The following DNAJC25 variants were observed in gnomAD, a reference collection of about 807,000 sequenced individuals.
DNAJC25 encodes the protein DnaJ heat shock protein family (Hsp40) member C25.
A neutral mutation model predicts 42.1 loss-of-function variants in DNAJC25; 26 were observed. The observed-to-expected ratio is 0.62, with a 90% CI of 0.45 to 0.86. The LOEUF is 0.86. DNAJC25 is among the 40% of genes least tolerant of loss of function. DNAJC25 has a pLI of 0.00. For synonymous variants in DNAJC25, 189 were observed against 179.9 expected, an observed-to-expected ratio of 1.05 and a Z score of -0.40; for missense variants, 404 against 459.4, an observed-to-expected ratio of 0.88 and a Z score of 1.10.
At chr9:111,649,383 C>CT in intron 2 of DNAJC25, 70 bp from the exon 3 acceptor site, 2 of 1,460,518 alleles carry the variant, frequency 1.4e-6, no homozygotes, top group African/African-American at 1.4e-5. Flanking sequence ...CACCGAGACT[C>CT]TATCATTCCT....
chr9:111,633,046 C>T (rs756275412), intron 1 of DNAJC25, among the ~76,000 whole-genome samples: 6 of 152,036 alleles, frequency 3.9e-5, no homozygotes, highest in Non-Finnish European at 8.8e-5. Context: ...TGCTGAGGCC[C>T]CAAAGGGCTT....
rs561865133 is a variant in DNAJC25, at chr9:111,633,386, G to A, written c.336+1643G>A. Reference sequence around the variant, plus strand: ...GATATAGATAATTAGGTTAAAGATAGTGATATTTGGATTGTATATCAGTTA... The same window carrying A: ...GATATAGATAATTAGGTTAAAGATAATGATATTTGGATTGTATATCAGTTA... On this transcript the variant is annotated intron_variant, in intron 1 of 3. Coordinates refer to ENST00000313525, the MANE Select transcript of DNAJC25 (RefSeq NM_001015882.3). 2.0e-5 allele frequency among the ~76,000 whole-genome samples: 3 copies of A among 152,306 alleles called. No homozygotes were observed. The East Asian group carries it at 5.8e-4, about 29-fold the overall frequency.
chr9:111,647,991 A>G (rs1366063133), intron 2 of DNAJC25, among the ~76,000 whole-genome samples: 2 of 151,946 alleles, frequency 1.3e-5, no homozygotes, highest in East Asian at 2.0e-4. Context: ...GTTGGCCAGG[A>G]TGGTCTCAAA....
chr9:111,632,298 T>G (rs1830295826), intron 1 of DNAJC25, among the ~76,000 whole-genome samples: 1 of 149,978 alleles, frequency 6.7e-6, no homozygotes, highest in African/African-American at 2.4e-5. Context: ...AGTGACTTAT[T>G]ATGTTGAAAT....
chr9:111,642,787 G>C (rs1830502553), intron 1 of DNAJC25: 1 of 466,784 alleles, frequency 2.1e-6, no homozygotes, highest in South Asian at 1.6e-5. Flanking sequence ...GAGAAGGAAG[G>C]ATTCAGTACT....
At chr9:111,651,368 A>C (rs76958426) in intron 3 of DNAJC25, among the ~76,000 whole-genome samples, 2 of 152,044 alleles carry the variant, frequency 1.3e-5, no homozygotes, top group Admixed American at 1.3e-4. Context: ...CTTTTTTAAA[A>C]GTTTAAAAGT....
In DNAJC25 at chr9:111,631,510, C is replaced by G. The variant is rs1448796758; in HGVS notation, c.103C>G (p.Pro35Ala). ...PLLPALLLVR[P>A]AGALVEGLYC... ...GCTGCCGGCGCTGCTGCTGGTGCGG[C>G]CCGCGGGGGCCCTGGTGGAGGGGCT... The change falls in exon 1 of 4, where the codon CCC becomes GCC. Residue 35 changes from proline to alanine, a missense_variant. Transcript: ENST00000313525. The G allele has an allele frequency of 7.5e-7, 1 of 1,332,110 alleles. No individual in the cohort carries two copies. The highest frequency in any genetic ancestry group is 4.1e-5 in the Admixed American group (1 of 24,202). The allele number at this position is 1,332,110 out of a possible 1,614,324, so 82.5% of individuals were successfully genotyped here. A position where few individuals can be genotyped will look rare whatever the true frequency, so the allele number is the denominator to read the frequency against.
chr9:111,631,478 C>T lies in DNAJC25; in HGVS notation c.71C>T (p.Ala24Val), dbSNP rs748650710. The change falls in exon 1 of 4, where the codon GCG becomes GTG. Residue 24 changes from alanine (A) to valine (V), a missense_variant. By Grantham distance (64) the Ala-to-Val change is moderately conservative (BLOSUM62 0). Transcript: ENST00000313525. The part of the protein sequence containing the change: ...AAGRRWWMLL[A>V]PLLPALLLVR... ...GGCCGGCGCTGGTGGATGCTGCTGG[C>T]GCCCCTGCTGCCGGCGCTGCTGCTG... 1.5e-6 allele frequency: 2 copies of T among 1,322,640 alleles called. No individual in the cohort carries two copies. Among genetic ancestry groups the T allele is most frequent in the Non-Finnish European group, 1.9e-6 (2 of 1,043,006 alleles). The allele number at this position is 1,322,640 out of a possible 1,614,324, so 81.9% of individuals were successfully genotyped here.
intron 3 of DNAJC25, 54 bp downstream of exon 3, chr9:111,649,977 TCAGGTGTATTATAATGAGGGATCA>T (rs1462545992): frequency 6.8e-7 from 1 of 1,459,984 alleles, no homozygotes; most frequent in Admixed American, 2.5e-5. Context: ...CAAGTTAAAA[TCAGGTGTATTATAATGAGGGATCA>T]CAGAAGTGTG....
intron 2 of DNAJC25, 115 bp from the exon 3 acceptor site, chr9:111,649,338 T>C: frequency 7.0e-7 from 1 of 1,427,344 alleles, no homozygotes; most frequent in Non-Finnish European, 9.2e-7. Context: ...GAGATCCCTA[T>C]TTTTAATTGT....
At chr9:111,648,100 A>T (rs1236540397) in intron 2 of DNAJC25, among the ~76,000 whole-genome samples, 1 of 152,214 alleles carries the variant, frequency 6.6e-6, no homozygotes, top group African/African-American at 2.4e-5. Flanking sequence ...GTTGTAAAGT[A>T]TCACAAAAAT....
chr9:111,639,939 C>CGTCTCT (rs1830423276), intron 1 of DNAJC25, among the ~76,000 whole-genome samples: 1 of 141,642 alleles, frequency 7.1e-6, no homozygotes, highest in Non-Finnish European at 1.5e-5. Flanking sequence ...TCTCCGTCTC[C>CGTCTCT]GTCTCCGTCT....
At chr9:111,632,288 A>G (rs1830295214) in intron 1 of DNAJC25, among the ~76,000 whole-genome samples, 1 of 148,614 alleles carries the variant, frequency 6.7e-6, no homozygotes, top group African/African-American at 2.4e-5. Context: ...GACCTTGGAT[A>G]GTGACTTATT....
chr9:111,647,993 G>A (rs1329083900), intron 2 of DNAJC25, among the ~76,000 whole-genome samples: 2 of 152,084 alleles, frequency 1.3e-5, no homozygotes, highest in Admixed American at 1.3e-4. Context: ...TGGCCAGGAT[G>A]GTCTCAAACT....
Position 111,649,793 on chromosome 9 carries a change from A to G in DNAJC25, c.830A>G (p.Tyr277Cys). ...IYNFNIKGKEYGEEERLYIIR... is the reference protein window; with the variant it reads ...IYNFNIKGKECGEEERLYIIR... The stretch of plus-strand genomic sequence containing the variant: ...AATTTTAACATCAAAGGCAAAGAAT[A>G]TGGAGAGGAAGAGAGATTATACATT... The change falls in exon 3 of 4, where the codon TAT (tyrosine) becomes TGT (cysteine). Residue 277 changes from tyrosine to cysteine, a missense_variant. Transcript: ENST00000313525. 1 of 1,614,060 alleles carries G rather than the reference A, an allele frequency of 6.2e-7. No homozygotes were observed. The highest frequency in any genetic ancestry group is 8.5e-7 in the Non-Finnish European group (1 of 1,179,972).
chr9:111,638,489 C>A lies in DNAJC25; in HGVS notation c.336+6746C>A, dbSNP rs144073649. ...CAGGAATAGATAATCCTTGAGGATCCAGAAATTGAAAGGATAGCTAGTAAT... is the reference window on the plus strand; with the variant it reads ...CAGGAATAGATAATCCTTGAGGATCAAGAAATTGAAAGGATAGCTAGTAAT... On this transcript the variant is annotated intron_variant, in intron 1 of 3. Transcript: ENST00000313525. Among the ~76,000 whole-genome samples the A allele has an allele frequency of 2.7e-3, 411 of 152,212 alleles. 3 individuals carry two copies. The highest frequency in any genetic ancestry group is 9.0e-3 in the African/African-American group (372 of 41,512).
At chr9:111,636,611 A>G (rs73537382) in intron 1 of DNAJC25, among the ~76,000 whole-genome samples, 4,053 of 152,224 alleles carry the variant, frequency 0.027, 178 homozygotes, top group African/African-American at 0.092. Flanking sequence ...CATGCACCGA[A>G]CCCTAAAATT....
Position 111,645,676 on chromosome 9 carries a change from A to T in DNAJC25, c.337-1431A>T, listed in dbSNP as rs543252827. Among the ~76,000 whole-genome samples, 5 of 152,352 alleles carry T rather than the reference A, an allele frequency of 3.3e-5. No homozygotes were observed. The East Asian group carries it at 5.8e-4, about 18-fold the overall frequency. On this transcript the variant is annotated intron_variant, in intron 1 of 3. Coordinates refer to ENST00000313525, the MANE Select transcript of DNAJC25 (RefSeq NM_001015882.3). ...TTGGAGGACTCAGAAGGTGATCCTA[A>T]ACAGACCCCAGAGAATCTGTCTGCA...
At chr9:111,631,767 G>T in intron 1 of DNAJC25, 24 bp downstream of exon 1, 2 of 1,493,148 alleles carry the variant, frequency 1.3e-6, no homozygotes, top group Non-Finnish European at 1.8e-6. Context: ...GCGTGGAGGG[G>T]CTTCGAAGAC....
Sources: allele counts gnomAD v4.1 joint callset (sites outside exome capture counted in the v4.1 genomes callset), GRCh38; gene constraint gnomAD v4.1.1; transcripts MANE v1.5; gene names NCBI Gene and HGNC (gene_info 2026-07-23, HGNC 2026-07-21).